POLR3B: variants seen among roughly 807,000 people sequenced by gnomAD.
POLR3B encodes DNA-directed RNA polymerase III subunit RPC2.
In POLR3B, 96 loss-of-function variants were observed where a neutral mutation model predicts 147.4. The observed-to-expected ratio is 0.65, with a 90% CI of 0.55 to 0.77. POLR3B has a LOEUF of 0.77. Among genes scored for constraint, POLR3B ranks in the 30% least tolerant of loss-of-function variants. POLR3B has a pLI of 0.00. For synonymous variants in POLR3B, 461 were observed against 485.9 expected (o/e 0.95, Z 0.67); for missense variants, 1,036 against 1,413.5 (o/e 0.73, Z 4.28).
At chr12:106,472,196 C>T (rs1262968789) in intron 23 of POLR3B, among the ~76,000 whole-genome samples, 1,066 of 88,970 alleles carry the variant, frequency 0.012, no homozygotes, top group Admixed American at 0.016. Context: ...ATGAACTCAT[C>T]ATTTTTTATG....
chr12:106,487,988 G>T (rs1224185743), intron 23 of POLR3B, among the ~76,000 whole-genome samples: 1 of 152,214 alleles, frequency 6.6e-6, no homozygotes, highest in Non-Finnish European at 1.5e-5. Flanking sequence ...ATACAGAGGT[G>T]ACAGACCCAA....
intron 18 of POLR3B, among the ~76,000 whole-genome samples, chr12:106,442,795 G>A (rs988352523): frequency 1.3e-5 from 2 of 152,110 alleles, no homozygotes; most frequent in East Asian, 3.9e-4. Context: ...GAAAAATAGC[G>A]GGTCCACAGA....
intron 19 of POLR3B, among the ~76,000 whole-genome samples, chr12:106,453,026 C>CTTTT (rs770997629): frequency 6.6e-5 from 9 of 135,944 alleles, no homozygotes; most frequent in African/African-American, 2.2e-4. Context: ...TTCTTTTCTT[C>CTTTT]TTTTTTTTTT....
intron 27 of POLR3B, 33 bp from the exon 28 acceptor site, chr12:106,509,387 T>C (rs2038739360): frequency 6.2e-7 from 1 of 1,612,342 alleles, no homozygotes; most frequent in Non-Finnish European, 8.5e-7. Context: ...TCCGAGTTGC[T>C]GTCTGTCTAA....
At chr12:106,385,339 C>G (rs1383211865) in intron 9 of POLR3B, among the ~76,000 whole-genome samples, 1 of 152,070 alleles carries the variant, frequency 6.6e-6, no homozygotes, top group Middle Eastern at 3.2e-3. Flanking sequence ...TAAAATGAAT[C>G]TTGATAACCA....
intron 20 of POLR3B, among the ~76,000 whole-genome samples, chr12:106,456,402 C>T (rs778912202): frequency 6.6e-6 from 1 of 152,014 alleles, no homozygotes; most frequent in Non-Finnish European, 1.5e-5. Context: ...CACAGCCTTT[C>T]CCTCATCCAC....
At chr12:106,495,929 T>G (rs1329042234) in intron 23 of POLR3B, 126 bp from the exon 24 acceptor site, 2 of 774,102 alleles carry the variant, frequency 2.6e-6, no homozygotes, top group Non-Finnish European at 4.7e-6. Flanking sequence ...TTGCTCTTGA[T>G]AGAGGCCATG....
intron 23 of POLR3B, among the ~76,000 whole-genome samples, chr12:106,489,378 G>T (rs1384342636): frequency 4.6e-5 from 7 of 152,282 alleles, no homozygotes; most frequent in African/African-American, 1.7e-4. Flanking sequence ...TGCGTATATG[G>T]ATAAAATCGT....
chr12:106,411,945 T>C (rs1178470539), intron 12 of POLR3B, among the ~76,000 whole-genome samples: 2 of 152,256 alleles, frequency 1.3e-5, no homozygotes, highest in African/African-American at 4.8e-5. Flanking sequence ...TCTATTTCTC[T>C]ACAGAGATTT....
At chr12:106,386,906 C>CA (rs11320428) in intron 9 of POLR3B, among the ~76,000 whole-genome samples, 23 of 145,066 alleles carry the variant, frequency 1.6e-4, no homozygotes, top group East Asian at 4.1e-4. Context: ...GACTCTGTCT[C>CA]AAAAAAAAAA....
At chr12:106,370,062 A>C (rs946497521) in intron 6 of POLR3B, among the ~76,000 whole-genome samples, 1 of 152,166 alleles carries the variant, frequency 6.6e-6, no homozygotes, top group Non-Finnish European at 1.5e-5. Flanking sequence ...GGGAGAAGTT[A>C]CTTATTTGCC....
At chr12:106,503,668 G>A (rs2038638196) in intron 26 of POLR3B, among the ~76,000 whole-genome samples, 1 of 152,158 alleles carries the variant, frequency 6.6e-6, no homozygotes, top group Admixed American at 6.6e-5. Context: ...TAGTTTTTCT[G>A]CTTTTAAATA....
chr12:106,422,246 TG>T (rs2136948813), intron 12 of POLR3B, among the ~76,000 whole-genome samples: 1 of 152,254 alleles, frequency 6.6e-6, no homozygotes, highest in Admixed American at 6.5e-5. Context: ...TCATGAGATC[TG>T]GTTGCTTAAA....
chr12:106,456,274 T>C (rs2037862035), intron 20 of POLR3B, among the ~76,000 whole-genome samples: 1 of 152,148 alleles, frequency 6.6e-6, no homozygotes, highest in African/African-American at 2.4e-5. Flanking sequence ...GTGGTTGAGT[T>C]TTTTTGCCCC....
chr12:106,494,258 A>G (rs2038444589), intron 23 of POLR3B, among the ~76,000 whole-genome samples: 1 of 152,134 alleles, frequency 6.6e-6, no homozygotes, highest in South Asian at 2.1e-4. Flanking sequence ...CACCCCCAAT[A>G]TAAGTATGTC....
At chr12:106,500,023 G>A (rs2038572489) in intron 25 of POLR3B, 1 of 453,480 alleles carries the variant, frequency 2.2e-6, no homozygotes, top group South Asian at 1.6e-5. Flanking sequence ...AGTGTTGCAG[G>A]GAGAGCCCTG....
At chr12:106,467,018 A>G (rs2038015825) in intron 23 of POLR3B, among the ~76,000 whole-genome samples, 1 of 152,188 alleles carries the variant, frequency 6.6e-6, no homozygotes, top group Non-Finnish European at 1.5e-5. Flanking sequence ...TGGGGATAGC[A>G]TTGAATCTAT....
intron 23 of POLR3B, among the ~76,000 whole-genome samples, chr12:106,471,577 A>G (rs10778481): frequency 0.39 from 59,488 of 151,594 alleles, 13,841 homozygotes; most frequent in African/African-American, 0.65. Context: ...GACCAGAGCC[A>G]TTCCTATTTG....
At chr12:106,490,701 GA>G (rs369270051) in intron 23 of POLR3B, among the ~76,000 whole-genome samples, 21 of 152,274 alleles carry the variant, frequency 1.4e-4, no homozygotes, top group African/African-American at 5.1e-4. Flanking sequence ...TGGAAAAGGG[GA>G]GGGGAAGAAC....
Sources: allele counts gnomAD v4.1 joint callset (sites outside exome capture counted in the v4.1 genomes callset), GRCh38; gene constraint gnomAD v4.1.1; transcripts MANE v1.5; gene names NCBI Gene and HGNC (gene_info 2026-07-23, HGNC 2026-07-21).